The following ERH variants were observed in gnomAD, a reference collection of about 807,000 sequenced individuals.
The protein encoded by ERH is ERH mRNA splicing and mitosis factor.
Under a neutral mutation model 16.8 loss-of-function variants are expected in ERH, and 1 was observed. The observed-to-expected ratio is 0.06, with a 90% CI of 0.02 to 0.28. The LOEUF (loss-of-function observed/expected upper bound fraction) is 0.28, where lower values mean the gene tolerates loss of function less well. Among genes scored for constraint, ERH ranks in the 10% least tolerant of loss-of-function variants. ERH has a pLI of 1.00. For missense variants in ERH, 42 were observed against 127.5 expected, an observed-to-expected ratio of 0.33 and a Z score of 3.23; for synonymous variants, 43 against 43.6, an observed-to-expected ratio of 0.99 and a Z score of 0.05.
intron 3 of ERH, among the ~76,000 whole-genome samples, chr14:69,384,191 T>C (rs2045879264): frequency 6.6e-6 from 1 of 152,202 alleles, no homozygotes; most frequent in Admixed American, 6.5e-5. Flanking sequence ...ATCATTCTAC[T>C]CCTGGCAAAT....
intron 1 of ERH, among the ~76,000 whole-genome samples, chr14:69,396,509 C>T (rs1882337620): frequency 6.6e-6 from 1 of 152,252 alleles, no homozygotes; most frequent in South Asian, 2.1e-4. Flanking sequence ...GATCTGCCTG[C>T]CTCGGCCTCC....
chr14:69,395,052 G>T, intron 1 of ERH, 140 bp from the exon 2 acceptor site: 1 of 661,346 alleles, frequency 1.5e-6, no homozygotes, highest in Non-Finnish European at 2.6e-6. Flanking sequence ...GGCATCCCAT[G>T]CCTATAATCC....
intron 2 of ERH, among the ~76,000 whole-genome samples, chr14:69,389,025 C>CT (rs553937399): frequency 3.5e-4 from 51 of 147,056 alleles, no homozygotes; most frequent in South Asian, 6.4e-4. Context: ...CACAGTTATA[C>CT]TTTTTTTTTT....
At chr14:69,390,782 T>C (rs1244722950) in intron 2 of ERH, among the ~76,000 whole-genome samples, 2 of 152,202 alleles carry the variant, frequency 1.3e-5, no homozygotes, top group South Asian at 2.1e-4. Context: ...GATAAAGGAC[T>C]AATGTCTAAA....
chr14:69,394,268 C>T (rs1048725644), intron 2 of ERH, among the ~76,000 whole-genome samples: 1 of 151,766 alleles, frequency 6.6e-6, no homozygotes, highest in African/African-American at 2.4e-5. Flanking sequence ...TGGAAAGTCA[C>T]TCATTATATA....
intron 2 of ERH, among the ~76,000 whole-genome samples, chr14:69,388,518 A>C (rs979798177): frequency 1.3e-5 from 2 of 151,810 alleles, no homozygotes; most frequent in African/African-American, 2.4e-5. Context: ...CCGCCACCAC[A>C]CCCAGCTAAC....
chr14:69,395,278 G>A (rs1226428091), intron 1 of ERH, among the ~76,000 whole-genome samples: 1 of 152,090 alleles, frequency 6.6e-6, no homozygotes, highest in Non-Finnish European at 1.5e-5. Context: ...GCATCGGAGA[G>A]TGAGGCCCTA....
chr14:69,393,646 T>C (rs145292220), intron 2 of ERH, among the ~76,000 whole-genome samples: 2,016 of 152,336 alleles, frequency 0.013, 12 homozygotes, highest in Non-Finnish European at 0.021. Flanking sequence ...TAACTGACAC[T>C]GGAGACTACA....
intron 2 of ERH, among the ~76,000 whole-genome samples, chr14:69,390,246 A>C (rs550720522): frequency 1.3e-5 from 2 of 151,588 alleles, no homozygotes; most frequent in South Asian, 4.1e-4. Flanking sequence ...AGGAGACCCA[A>C]GACAGCCAAA....
rs375970856 is a variant in ERH at position 69,398,277 on chromosome 14, C to G, written c.-44G>C. ...CTACAGCAGCTGCCGACACCGCCGC[C>G]GTTACACGAGCTTAACTACAACGCC... On this transcript the variant is annotated 5_prime_UTR_variant, in exon 1 of 4. Coordinates refer to ENST00000557016, the MANE Select transcript of ERH (RefSeq NM_004450.3). 5 of 1,613,692 alleles carry G rather than the reference C, an allele frequency of 3.1e-6. 1 individual carries two copies. Among genetic ancestry groups the G allele is most frequent in the South Asian group, 2.2e-5 (2 of 91,008 alleles).
intron 2 of ERH, among the ~76,000 whole-genome samples, chr14:69,388,143 T>C (rs750941177): frequency 6.6e-6 from 1 of 152,206 alleles, no homozygotes; most frequent in Non-Finnish European, 1.5e-5. Flanking sequence ...CGCCATTCCC[T>C]GAACCACACC....
intron 3 of ERH, among the ~76,000 whole-genome samples, chr14:69,380,903 T>G (rs959472653): frequency 3.3e-5 from 5 of 152,248 alleles, no homozygotes; most frequent in African/African-American, 1.2e-4. Flanking sequence ...CATATCTACT[T>G]CTTGACAGAG....
At chr14:69,390,742 G>A (rs1016239531) in intron 2 of ERH, among the ~76,000 whole-genome samples, 3 of 152,102 alleles carry the variant, frequency 2.0e-5, no homozygotes, top group East Asian at 1.9e-4. Flanking sequence ...CACCACAAAC[G>A]GGGAGAAAAC....
chr14:69,394,212 CAT>C (rs1330048100), intron 2 of ERH, among the ~76,000 whole-genome samples: 15 of 151,670 alleles, frequency 9.9e-5, no homozygotes, highest in Non-Finnish European at 1.8e-4. Flanking sequence ...AACAAAATAA[CAT>C]GTGACAAATA....
chr14:69,394,895 C>T lies in ERH; in HGVS notation c.21G>A (p.Leu7=). 1.9e-6 allele frequency: 3 copies of T among 1,613,096 alleles called. No individual in the cohort carries two copies. Among genetic ancestry groups the T allele is most frequent in the Non-Finnish European group, 2.5e-6 (3 of 1,179,254 alleles). The change falls in exon 2 of 4, where the codon CTG becomes CTA. Residue 7 remains leucine (L), a synonymous_variant. Transcript: ENST00000557016. MSHTIL[L]VQPTKRPEGR... ...CTTCTGGCCTCTTGGTAGGCTGTACCAGCAAAATGGTGTGAGACTGCAGGG... is the reference window on the plus strand; with the variant it reads ...CTTCTGGCCTCTTGGTAGGCTGTACTAGCAAAATGGTGTGAGACTGCAGGG...
At chr14:69,389,906 G>A (rs2045914687) in intron 2 of ERH, among the ~76,000 whole-genome samples, 2 of 151,944 alleles carry the variant, frequency 1.3e-5, no homozygotes, top group East Asian at 1.9e-4. Context: ...CTACAGGTAC[G>A]CGCCACCATG....
rs746981400 is a variant in ERH, at chr14:69,398,285, G to C, written c.-52C>G. The C allele has an allele frequency of 6.2e-7, 1 of 1,613,384 alleles. No homozygotes were observed. The stretch of plus-strand genomic sequence containing the variant: ...GCTGCCGACACCGCCGCCGTTACAC[G>C]AGCTTAACTACAACGCCGCTAACAG... On this transcript the variant is annotated 5_prime_UTR_variant, in exon 1 of 4. Transcript: ENST00000557016.
intron 1 of ERH, among the ~76,000 whole-genome samples, chr14:69,395,132 T>C (rs113132906): frequency 0.12 from 18,732 of 152,032 alleles, 1,381 homozygotes; most frequent in Middle Eastern, 0.24. Context: ...CTGGGCAACA[T>C]AGCAAGACCC....
rs114058168 is a variant in ERH, at chr14:69,386,908, C to A, written c.212+55G>T. ...TCCCAATACCATAAATCACCTCAAA[C>A]AGACAGAAAAGCAATAGAAAATACA... On this transcript the variant is annotated intron_variant, in intron 3 of 3. Transcript: ENST00000557016. 864 of 1,586,978 alleles carry A rather than the reference C, an allele frequency of 5.4e-4. 5 individuals carry two copies. In the African/African-American group the frequency reaches 0.011, roughly 20 times the overall value.
Sources: gnomAD v4.1 joint callset for allele counts (sites outside exome capture counted in the v4.1 genomes callset) on GRCh38, gnomAD v4.1.1 for gene constraint, MANE v1.5 for transcripts, NCBI Gene and HGNC (gene_info 2026-07-23, HGNC 2026-07-21) for gene names.